The following DIPK1A variants were observed in gnomAD, a reference collection of about 807,000 sequenced individuals.
The protein encoded by DIPK1A is family with sequence similarity 69 member A.
Under a neutral mutation model 40.8 loss-of-function variants are expected in DIPK1A, and 27 were observed. The ratio of observed to expected loss-of-function variants is 0.66; its 90% CI spans 0.49 to 0.91. The LOEUF (loss-of-function observed/expected upper bound fraction) is 0.91, where lower values mean the gene tolerates loss of function less well. Ranked by LOEUF, DIPK1A falls within the 40% of genes least tolerant of loss-of-function variation. The pLI, the probability that DIPK1A is intolerant of heterozygous loss-of-function variation, is 0.00. For missense variants in DIPK1A, 412 were observed against 505.7 expected (o/e 0.81, Z 1.78); for synonymous variants, 166 against 171.3 (o/e 0.97, Z 0.24).
intron 1 of DIPK1A, among the ~76,000 whole-genome samples, chr1:92,915,813 T>C (rs897601187): frequency 2.0e-5 from 3 of 152,108 alleles, no homozygotes; most frequent in African/African-American, 7.2e-5. Context: ...CACAAAAATC[T>C]GTACACAAAT....
At chr1:92,916,503 T>C (rs543075532) in intron 1 of DIPK1A, among the ~76,000 whole-genome samples, 1 of 152,200 alleles carries the variant, frequency 6.6e-6, no homozygotes, top group East Asian at 1.9e-4. Flanking sequence ...GGTTTCACCA[T>C]GTTGGCCAGG....
At chr1:92,834,779 A>G in intron 4 of DIPK1A, 1 of 1,613,048 alleles carries the variant, frequency 6.2e-7, no homozygotes, top group East Asian at 2.2e-5. Context: ...CTTACTATAG[A>G]TTGCTTATGC....
At position 92,861,321 on chromosome 1, in the gene DIPK1A, C is replaced by CTTTTTTTTTT. The variant is rs71230876; in HGVS notation, c.190-10376_190-10367dup. ...AATAGCTTTTCTATTCTCTCTCTCT[C>CTTTTTTTTTT]TTTTTTTTTTTTTTTTTTTTTTTGA... On this transcript the variant is annotated intron_variant, in intron 2 of 4. Coordinates refer to ENST00000370310, the MANE Select transcript of DIPK1A (RefSeq NM_001006605.5). Among the ~76,000 whole-genome samples the CTTTTTTTTTT allele has an allele frequency of 3.1e-4, 26 of 83,538 alleles. 1 individual carries two copies. The highest frequency in any genetic ancestry group is 5.1e-4 in the South Asian group (1 of 1,954). 54.8% of individuals were successfully genotyped at this position (83,538 alleles called of 152,430 possible). A position where few individuals can be genotyped will look rare whatever the true frequency, so the allele number is the denominator to read the frequency against.
intron 1 of DIPK1A, among the ~76,000 whole-genome samples, chr1:92,914,005 T>C (rs1649944393): frequency 6.6e-6 from 1 of 152,060 alleles, no homozygotes; most frequent in Admixed American, 6.6e-5. Context: ...AGTGAAATGA[T>C]TATTAGAATA....
chr1:92,840,526 T>C, downstream of DIPK1A: 1 of 1,548,638 alleles, frequency 6.5e-7, no homozygotes, highest in Non-Finnish European at 8.9e-7. Flanking sequence ...TGAAACCAAG[T>C]ACTGTTTGCT....
intron 1 of DIPK1A, among the ~76,000 whole-genome samples, chr1:92,922,947 TTC>T (rs1650328319): frequency 6.6e-6 from 1 of 152,102 alleles, no homozygotes; most frequent in Non-Finnish European, 1.5e-5. Flanking sequence ...TTCCTCTGCA[TTC>T]TGAGAAAATT....
At chr1:92,879,187 G>T (rs541335399) in intron 1 of DIPK1A, among the ~76,000 whole-genome samples, 5 of 152,024 alleles carry the variant, frequency 3.3e-5, no homozygotes, top group Non-Finnish European at 7.4e-5. Flanking sequence ...TGCAAAAAAA[G>T]AGAGAAATAT....
intron 4 of DIPK1A, chr1:92,846,624 CTTTTCT>C (rs2100714724): frequency 5.0e-6 from 2 of 396,040 alleles, no homozygotes; most frequent in South Asian, 1.8e-5. Flanking sequence ...ACACAGATTT[CTTTTCT>C]TTTTCTTTTT....
chr1:92,876,172 A>T (rs1648115619), intron 2 of DIPK1A, 124 bp downstream of exon 2: 1 of 613,666 alleles, frequency 1.6e-6, no homozygotes, highest in African/African-American at 1.9e-5. Context: ...AAAGCTAAGA[A>T]GATTAGCACA....
At position 92,883,681 on chromosome 1, in the gene DIPK1A, C is replaced by A. The variant is rs1648480588; in HGVS notation, c.55-7251G>T. 2.6e-5 allele frequency among the ~76,000 whole-genome samples: 4 copies of A among 152,216 alleles called. No individual in the cohort carries two copies. The South Asian group carries it at 8.3e-4, about 32-fold the overall frequency. On this transcript the variant is annotated intron_variant, in intron 1 of 4. Coordinates refer to ENST00000370310, the MANE Select transcript of DIPK1A (RefSeq NM_001006605.5). ...TGGTGGTGTCAAGGTAATTGAACTTCTTACATGATGGCTGACTTTGCTCAG... is the reference window on the plus strand; with the variant it reads ...TGGTGGTGTCAAGGTAATTGAACTTATTACATGATGGCTGACTTTGCTCAG...
intron 2 of DIPK1A, among the ~76,000 whole-genome samples, chr1:92,859,858 C>T (rs1276092289): frequency 6.6e-6 from 1 of 152,092 alleles, no homozygotes; most frequent in Non-Finnish European, 1.5e-5. Flanking sequence ...TGCATGCCAC[C>T]ACCCTGGCTA....
At chr1:92,882,156 G>A (rs376030259) in intron 1 of DIPK1A, among the ~76,000 whole-genome samples, 6 of 152,232 alleles carry the variant, frequency 3.9e-5, no homozygotes, top group African/African-American at 1.2e-4. Context: ...GGGAGGCCGA[G>A]GTGGGCAGAT....
intron 4 of DIPK1A, chr1:92,835,188 C>T (rs978980734): frequency 3.7e-5 from 19 of 507,238 alleles, no homozygotes; most frequent in Middle Eastern, 5.6e-4. Flanking sequence ...ATTTGAAAAT[C>T]CACTTGTAGC....
intron 2 of DIPK1A, among the ~76,000 whole-genome samples, chr1:92,873,538 C>T (rs1647976767): frequency 1.3e-5 from 2 of 151,742 alleles, no homozygotes; most frequent in East Asian, 3.9e-4. Context: ...TCATTTGAAC[C>T]CGGGAGGCAG....
chr1:92,848,982 G>C (rs1187548006), intron 3 of DIPK1A, among the ~76,000 whole-genome samples: 1 of 152,004 alleles, frequency 6.6e-6, no homozygotes, highest in Non-Finnish European at 1.5e-5. Flanking sequence ...ATATTCTACT[G>C]TTTTATTCTT....
At chr1:92,902,516 A>G (rs1649460714) in intron 1 of DIPK1A, among the ~76,000 whole-genome samples, 1 of 152,190 alleles carries the variant, frequency 6.6e-6, no homozygotes, top group Admixed American at 6.5e-5. Flanking sequence ...AGTGGAGCAC[A>G]GTGTCTACTT....
intron 2 of DIPK1A, among the ~76,000 whole-genome samples, chr1:92,870,015 G>A (rs1265239662): frequency 2.0e-5 from 3 of 150,292 alleles, no homozygotes; most frequent in Non-Finnish European, 4.4e-5. Flanking sequence ...AGTTAGGAAG[G>A]GCTGATTAGA....
At chr1:92,919,017 A>G (rs1302227254) in intron 1 of DIPK1A, among the ~76,000 whole-genome samples, 2 of 152,154 alleles carry the variant, frequency 1.3e-5, no homozygotes, top group Non-Finnish European at 2.9e-5. Context: ...CTAACAAGCC[A>G]TGGGCTGGTA....
At chr1:92,863,348 G>A (rs1647366863) in intron 2 of DIPK1A, among the ~76,000 whole-genome samples, 1 of 152,130 alleles carries the variant, frequency 6.6e-6, no homozygotes, top group Non-Finnish European at 1.5e-5. Context: ...AATCCTAACA[G>A]TGATACTGCC....
Sources: allele counts gnomAD v4.1 joint callset (sites outside exome capture counted in the v4.1 genomes callset), GRCh38; gene constraint gnomAD v4.1.1; transcripts MANE v1.5; gene names NCBI Gene and HGNC (gene_info 2026-07-23, HGNC 2026-07-21).